CDH13: variants seen among roughly 807,000 people sequenced by gnomAD.
CDH13 encodes the protein cadherin-13.
Under a neutral mutation model 63.8 loss-of-function variants are expected in CDH13, and 24 were observed. The ratio of observed to expected loss-of-function variants is 0.38; its 90% confidence interval spans 0.27 to 0.53. The LOEUF is 0.53. Among genes scored for constraint, CDH13 ranks in the 20% least tolerant of loss-of-function variants. The pLI is 0.85. For synonymous variants in CDH13, 503 were observed against 355.3 expected (o/e 1.42, Z -4.67); for missense variants, 1,049 against 903.1 (o/e 1.16, Z -2.07).
chr16:83,168,014 T>C (rs2151723487), intron 4 of CDH13, among the ~76,000 whole-genome samples: 1 of 151,936 alleles, frequency 6.6e-6, no homozygotes, highest in South Asian at 2.1e-4. Context: ...CTCACGGACA[T>C]AAAGATGGCA....
intron 8 of CDH13, among the ~76,000 whole-genome samples, chr16:83,664,460 A>G (rs75415423): frequency 6.6e-6 from 1 of 151,432 alleles, no homozygotes; most frequent in South Asian, 2.1e-4. Context: ...TCTGTACTGT[A>G]TACTGTTTAA....
chr16:83,510,702 C>G (rs1298390176), intron 7 of CDH13, among the ~76,000 whole-genome samples: 3 of 152,176 alleles, frequency 2.0e-5, no homozygotes, highest in Non-Finnish European at 2.9e-5. Context: ...TCCTTGTCCA[C>G]CTACTTCTAG....
chr16:83,478,005 C>T (rs1380026903), intron 6 of CDH13, among the ~76,000 whole-genome samples: 2 of 151,780 alleles, frequency 1.3e-5, no homozygotes, highest in Non-Finnish European at 2.9e-5. Flanking sequence ...CATGGTGAAA[C>T]CTCATCTCTA....
At chr16:83,372,936 C>T (rs1245508285) in intron 6 of CDH13, among the ~76,000 whole-genome samples, 1 of 151,888 alleles carries the variant, frequency 6.6e-6, no homozygotes, top group Non-Finnish European at 1.5e-5. Flanking sequence ...CAGCAATGGA[C>T]CTTTGGCAGA....
At chr16:83,678,524 C>T in intron 10 of CDH13, 63 bp downstream of exon 10, 6 of 1,590,876 alleles carry the variant, frequency 3.8e-6, no homozygotes, top group East Asian at 2.2e-5. Flanking sequence ...CCTTTCCAGT[C>T]GCAGAAGCTG....
intron 6 of CDH13, among the ~76,000 whole-genome samples, chr16:83,449,459 C>T (rs1598047750): frequency 6.6e-6 from 1 of 152,296 alleles, no homozygotes; most frequent in Admixed American, 6.5e-5. Flanking sequence ...TAATGCAGAG[C>T]AGGAAGATGG....
At chr16:83,259,099 G>T (rs1261672993) in intron 5 of CDH13, among the ~76,000 whole-genome samples, 1 of 152,304 alleles carries the variant, frequency 6.6e-6, no homozygotes, top group Middle Eastern at 3.4e-3. Flanking sequence ...TAGGATGTGG[G>T]GAGAGCAGGG....
intron 2 of CDH13, among the ~76,000 whole-genome samples, chr16:82,879,666 T>C (rs905477926): frequency 4.3e-5 from 6 of 139,420 alleles, no homozygotes; most frequent in Admixed American, 1.5e-4. Context: ...ATATAATATA[T>C]TTTACATAAA....
At chr16:82,971,801 C>T (rs137990260) in intron 2 of CDH13, among the ~76,000 whole-genome samples, 2 of 152,212 alleles carry the variant, frequency 1.3e-5, no homozygotes, top group Non-Finnish European at 2.9e-5. Context: ...GCCTGTGCCC[C>T]TTAAATGCTA....
chr16:82,658,815 C>G (rs998607570), intron 1 of CDH13, among the ~76,000 whole-genome samples: 1 of 152,144 alleles, frequency 6.6e-6, no homozygotes, highest in African/African-American at 2.4e-5. Flanking sequence ...ATTTTAAAAG[C>G]CCATAGAAGA....
At chr16:83,103,832 T>A (rs1410750724) in intron 3 of CDH13, among the ~76,000 whole-genome samples, 1 of 152,202 alleles carries the variant, frequency 6.6e-6, no homozygotes, top group African/African-American at 2.4e-5. Flanking sequence ...AAGTGCTCTG[T>A]CATTTTCTAG....
chr16:83,132,152 A>C (rs1189031307), intron 4 of CDH13, among the ~76,000 whole-genome samples: 2 of 152,108 alleles, frequency 1.3e-5, no homozygotes, highest in Non-Finnish European at 2.9e-5. Context: ...CACTTTGAAG[A>C]CCCACGAAGA....
chr16:83,466,752 A>G (rs2073327221), intron 6 of CDH13, among the ~76,000 whole-genome samples: 1 of 152,210 alleles, frequency 6.6e-6, no homozygotes, highest in Non-Finnish European at 1.5e-5. Context: ...ATCCTGGGTC[A>G]TCCCAAGGGT....
intron 13 of CDH13, among the ~76,000 whole-genome samples, chr16:83,794,561 A>G (rs1567601182): frequency 6.6e-6 from 1 of 152,104 alleles, no homozygotes; most frequent in Non-Finnish European, 1.5e-5. Context: ...TCAAAATAAA[A>G]ACATATCATG....
Position 83,155,604 on chromosome 16 carries a change from C to A in CDH13, c.483+30103C>A, listed in dbSNP as rs141750478. The stretch of plus-strand genomic sequence containing the variant: ...AAACAAGTTAAATGTGCATGTTAGG[C>A]AACTCTAGTCCTTACAACTTAAAAA... On this transcript the variant is annotated intron_variant, in intron 4 of 13. Coordinates refer to ENST00000567109, the MANE Select transcript of CDH13 (RefSeq NM_001257.5). Among the ~76,000 whole-genome samples the A allele has an allele frequency of 3.9e-4, 60 of 152,272 alleles. 1 individual carries two copies. Among genetic ancestry groups the A allele is most frequent in the African/African-American group, 1.2e-3 (51 of 41,546 alleles).
intron 2 of CDH13, among the ~76,000 whole-genome samples, chr16:82,968,609 T>C (rs1027081478): frequency 7.2e-5 from 11 of 152,134 alleles, no homozygotes; most frequent in African/African-American, 2.2e-4. Flanking sequence ...CCTGAAAACA[T>C]GGATTTAGAT....
intron 5 of CDH13, among the ~76,000 whole-genome samples, chr16:83,223,811 C>G (rs1233079396): frequency 6.6e-6 from 1 of 152,214 alleles, no homozygotes; most frequent in Non-Finnish European, 1.5e-5. Flanking sequence ...TGGTTGTCAT[C>G]TACCACATTG....
intron 1 of CDH13, among the ~76,000 whole-genome samples, chr16:82,842,158 A>T (rs1567590633): frequency 1.7e-4 from 8 of 46,052 alleles, no homozygotes; most frequent in Non-Finnish European, 3.9e-4. Context: ...ATATATATAT[A>T]TATATACACA....
At chr16:83,130,959 ACC>A (rs1432053072) in intron 4 of CDH13, among the ~76,000 whole-genome samples, 1 of 152,008 alleles carries the variant, frequency 6.6e-6, no homozygotes, top group Non-Finnish European at 1.5e-5. Context: ...AGAACTGAAT[ACC>A]CACAGCAGGG....
Sources: gnomAD v4.1 joint callset for allele counts (sites outside exome capture counted in the v4.1 genomes callset) on GRCh38, gnomAD v4.1.1 for gene constraint, MANE v1.5 for transcripts, NCBI Gene and HGNC (gene_info 2026-07-23, HGNC 2026-07-21) for gene names.